The following ORC3 variants were observed in gnomAD, a reference collection of about 807,000 sequenced individuals.
ORC3 encodes the protein homolog of latheo, Drosophila.
A neutral mutation model predicts 100.7 loss-of-function variants in ORC3; 78 were observed. The ratio of observed to expected loss-of-function variants is 0.77; its 90% CI spans 0.65 to 0.94. The LOEUF (loss-of-function observed/expected upper bound fraction) is 0.94, where lower values mean the gene tolerates loss of function less well. Ranked by LOEUF, ORC3 falls within the 40% of genes least tolerant of loss-of-function variation. ORC3 has a pLI of 0.00. For synonymous variants in ORC3, 295 were observed against 289.3 expected (o/e 1.02, Z -0.20); for missense variants, 789 against 823.9 (o/e 0.96, Z 0.52).
At chr6:87,653,947 C>G (rs1276276148) in intron 14 of ORC3, among the ~76,000 whole-genome samples, 2 of 152,144 alleles carry the variant, frequency 1.3e-5, no homozygotes, top group African/African-American at 4.8e-5. Flanking sequence ...ATGGGCTCTT[C>G]TCTTGCTCTG....
rs570538575 is a variant in ORC3, at chr6:87,651,672, G to T, written c.1383-1444G>T. Among the ~76,000 whole-genome samples the T allele has an allele frequency of 2.3e-4, 35 of 152,228 alleles. No homozygotes were observed. In the South Asian group the frequency reaches 7.0e-3, roughly 31 times the overall value. On this transcript the variant is annotated intron_variant, in intron 13 of 19. Transcript: ENST00000392844. ...CCCTTAACAATTGCCATATTTAGTGGTTGTCTACTTTTTGTTGTTGTTGTT... is the reference window on the plus strand; with the variant it reads ...CCCTTAACAATTGCCATATTTAGTGTTTGTCTACTTTTTGTTGTTGTTGTT...
At chr6:87,664,913 C>A in intron 18 of ORC3, 54 bp downstream of exon 18, 1 of 1,065,642 alleles carries the variant, frequency 9.4e-7, no homozygotes, top group Non-Finnish European at 1.4e-6. Context: ...TCCATGATGA[C>A]TTTCTCAGAA....
rs779722468 is a variant in ORC3, at chr6:87,607,823, A to C, written c.578A>C (p.Gln193Pro). ...SLSSWYMTVT[Q>P]KTDPKMLSKK... Reference sequence around the variant, plus strand: ...TCCAGTTGGTATATGACTGTCACACAGGTAGATATAAACTGATGATTTTCT... The same window carrying C: ...TCCAGTTGGTATATGACTGTCACACCGGTAGATATAAACTGATGATTTTCT... Residue 193 changes from glutamine to proline, a missense_variant and splice_region_variant, in exon 6 of 20, where the codon CAG becomes CCG. Transcript: ENST00000392844. 59 of 1,603,796 alleles carry C rather than the reference A, an allele frequency of 3.7e-5. No individual in the cohort carries two copies. Among genetic ancestry groups the C allele is most frequent in the Non-Finnish European group, 4.9e-5 (58 of 1,173,920 alleles).
chr6:87,601,318 A>T (rs978091823), intron 2 of ORC3, among the ~76,000 whole-genome samples: 5 of 152,220 alleles, frequency 3.3e-5, no homozygotes, highest in African/African-American at 1.2e-4. Context: ...ATTATAAAAA[A>T]TGAAATACAG....
chr6:87,631,983 T>A (rs994474447), intron 11 of ORC3, among the ~76,000 whole-genome samples: 20 of 151,888 alleles, frequency 1.3e-4, no homozygotes, highest in Non-Finnish European at 2.6e-4. Flanking sequence ...GCCAACCCAG[T>A]GAAACCCCAT....
intron 1 of ORC3, among the ~76,000 whole-genome samples, chr6:87,593,182 TG>T (rs1175651525): frequency 6.6e-6 from 1 of 152,126 alleles, no homozygotes; most frequent in Non-Finnish European, 1.5e-5. Flanking sequence ...ACCACTAACT[TG>T]GGGGTGATCT....
At chr6:87,607,542 A>G in intron 5 of ORC3, 131 bp from the exon 6 acceptor site, 1 of 624,210 alleles carries the variant, frequency 1.6e-6, no homozygotes, top group Non-Finnish European at 2.8e-6. Context: ...CATTAGCTGT[A>G]TTGATGGTAA....
At position 87,615,691 on chromosome 6, in the gene ORC3, C is replaced by A. The variant is rs2128258696; in HGVS notation, c.874-623C>A. On this transcript the variant is annotated intron_variant, in intron 8 of 19. Coordinates refer to ENST00000392844, the MANE Select transcript of ORC3 (RefSeq NM_012381.4). ...GCCTGGGCAAAAGAGCAAGAACTTT[C>A]CTCTACAAAAAGAAAACAAAAAACT... Among the ~76,000 whole-genome samples the A allele has an allele frequency of 2.0e-5, 3 of 152,266 alleles. No individual in the cohort carries two copies. The East Asian group carries it at 5.8e-4, about 29-fold the overall frequency.
intron 11 of ORC3, among the ~76,000 whole-genome samples, chr6:87,626,293 C>T (rs1304480241): frequency 1.3e-5 from 2 of 152,122 alleles, no homozygotes; most frequent in African/African-American, 4.8e-5. Flanking sequence ...GCCATTTTCA[C>T]GATATTGATT....
rs1434316681 is a variant in ORC3 at position 87,610,640 on chromosome 6, G to A, written c.713+1411G>A. 3.4e-5 allele frequency among the ~76,000 whole-genome samples: 5 copies of A among 147,508 alleles called. 2 individuals carry two copies. Among genetic ancestry groups the A allele is most frequent in the African/African-American group, 1.3e-4 (5 of 38,944 alleles). ...GCAATCTCGGCTCACTGCAAGCTCC[G>A]CTTCCCGGGTTCACGCCATTCTCCT... On this transcript the variant is annotated intron_variant, in intron 7 of 19. Coordinates refer to ENST00000392844, the MANE Select transcript of ORC3 (RefSeq NM_012381.4).
At chr6:87,644,557 C>T (rs1462953939) in intron 13 of ORC3, among the ~76,000 whole-genome samples, 1 of 151,972 alleles carries the variant, frequency 6.6e-6, no homozygotes, top group Non-Finnish European at 1.5e-5. Context: ...AAAAATTAGC[C>T]GGGCGTGGTG....
At chr6:87,638,207 A>G (rs1302722581) in intron 13 of ORC3, among the ~76,000 whole-genome samples, 4 of 152,240 alleles carry the variant, frequency 2.6e-5, no homozygotes, top group African/African-American at 9.6e-5. Flanking sequence ...TATGGGTCAA[A>G]TATAATACCT....
At chr6:87,665,129 C>G (rs1295244388) in intron 18 of ORC3, among the ~76,000 whole-genome samples, 3 of 152,130 alleles carry the variant, frequency 2.0e-5, no homozygotes, top group Admixed American at 1.3e-4. Context: ...AGTATGTGAT[C>G]TAACCCAATA....
chr6:87,602,512 A>C (rs1777982017), intron 3 of ORC3, among the ~76,000 whole-genome samples: 2 of 147,698 alleles, frequency 1.4e-5, no homozygotes, highest in South Asian at 4.3e-4. Flanking sequence ...TTTTTGGTTT[A>C]ATTGCCTTTC....
chr6:87,630,502 G>T (rs1426853541), intron 11 of ORC3, among the ~76,000 whole-genome samples: 1 of 152,168 alleles, frequency 6.6e-6, no homozygotes, highest in Non-Finnish European at 1.5e-5. Flanking sequence ...TATGTGCCCG[G>T]TGTTAATCTA....
chr6:87,675,665 C>A, the ORC3 span: 3 of 1,600,348 alleles, frequency 1.9e-6, no homozygotes, highest in Admixed American at 5.1e-5. Flanking sequence ...CAAACGAATA[C>A]TAGATCTTGA....
At chr6:87,641,960 G>A (rs1456025477) in intron 13 of ORC3, among the ~76,000 whole-genome samples, 1 of 152,138 alleles carries the variant, frequency 6.6e-6, no homozygotes, top group African/African-American at 2.4e-5. Context: ...TTATGATGAT[G>A]TAGATTTATC....
intron 8 of ORC3, among the ~76,000 whole-genome samples, chr6:87,613,747 C>G (rs1282958231): frequency 1.3e-5 from 2 of 152,198 alleles, no homozygotes; most frequent in African/African-American, 4.8e-5. Context: ...TCAAGTCTTA[C>G]AGCTCCAGAT....
chr6:87,626,999 T>C (rs1779950356), intron 11 of ORC3, among the ~76,000 whole-genome samples: 2 of 151,968 alleles, frequency 1.3e-5, no homozygotes, highest in South Asian at 2.1e-4. Flanking sequence ...TATTTTTATT[T>C]TATTTTATTT....
Sources: gnomAD v4.1 joint callset for allele counts (sites outside exome capture counted in the v4.1 genomes callset) on GRCh38, gnomAD v4.1.1 for gene constraint, MANE v1.5 for transcripts, NCBI Gene and HGNC (gene_info 2026-07-23, HGNC 2026-07-21) for gene names.